The following MED12L variants were observed in gnomAD, a reference collection of about 807,000 sequenced individuals.
The protein encoded by MED12L is mediator complex subunit 12L.
A neutral mutation model predicts 281.3 loss-of-function variants in MED12L; 60 were observed. The ratio of observed to expected loss-of-function variants is 0.21; its 90% confidence interval spans 0.17 to 0.26. MED12L has a LOEUF of 0.26. Ranked by LOEUF, MED12L falls within the 10% of genes least tolerant of loss-of-function variation. MED12L has a pLI of 1.00. For missense variants in MED12L, 2,146 were observed against 2,680.9 expected (o/e 0.80, Z 4.41); for synonymous variants, 974 against 987.2 (o/e 0.99, Z 0.25).
At chr3:151,373,629 C>T (rs147799248) in intron 27 of MED12L, among the ~76,000 whole-genome samples, 44 of 152,002 alleles carry the variant, frequency 2.9e-4, no homozygotes, top group African/African-American at 9.9e-4. Flanking sequence ...AAGGAAGAGC[C>T]TGCCCTCCTC....
At chr3:151,276,622 G>T (rs778474330) in intron 16 of MED12L, among the ~76,000 whole-genome samples, 42 of 152,188 alleles carry the variant, frequency 2.8e-4, no homozygotes, top group Non-Finnish European at 4.9e-4. Context: ...AGAGCCTTAG[G>T]CTTAGGGAAG....
At chr3:151,325,602 A>G (rs910886341) in intron 16 of MED12L, among the ~76,000 whole-genome samples, 1 of 152,220 alleles carries the variant, frequency 6.6e-6, no homozygotes, top group African/African-American at 2.4e-5. Context: ...ATGCCTCTTC[A>G]CCACGTTCTT....
chr3:151,188,185 A>G (rs117883161), intron 12 of MED12L, 169 bp from the exon 13 acceptor site: 10,394 of 480,374 alleles, frequency 0.022, 396 homozygotes, highest in East Asian at 0.15. Flanking sequence ...ACTTGGATGG[A>G]GAAATTATAT....
chr3:151,314,098 A>G lies in MED12L; in HGVS notation c.2251-35961A>G, dbSNP rs930098916. 2.0e-5 allele frequency among the ~76,000 whole-genome samples: 3 copies of G among 152,238 alleles called. 1 individual carries two copies. The highest frequency in any genetic ancestry group is 4.1e-4 in the South Asian group (2 of 4,834). On this transcript the variant is annotated intron_variant, in intron 16 of 44. Coordinates refer to ENST00000687756, the MANE Select transcript of MED12L (RefSeq NM_001393769.1). Reference sequence around the variant, plus strand: ...TAAGGAGCTTTGCTCTTCTTTTAAAATGATGGAAATCATTAGAAATTACTG... The same window carrying G: ...TAAGGAGCTTTGCTCTTCTTTTAAAGTGATGGAAATCATTAGAAATTACTG...
chr3:151,130,972 G>T (rs1715305983), intron 5 of MED12L, among the ~76,000 whole-genome samples: 1 of 152,102 alleles, frequency 6.6e-6, no homozygotes, highest in South Asian at 2.1e-4. Flanking sequence ...ACACAAGGTG[G>T]TCAGTAATCT....
chr3:151,312,416 C>T (rs1271014719), intron 16 of MED12L, among the ~76,000 whole-genome samples: 2 of 152,306 alleles, frequency 1.3e-5, no homozygotes, highest in East Asian at 3.9e-4. Context: ...ACAGGGACTT[C>T]AGATCATTTT....
At chr3:151,255,272 G>T (rs1386085409) in intron 16 of MED12L, among the ~76,000 whole-genome samples, 1 of 152,146 alleles carries the variant, frequency 6.6e-6, no homozygotes, top group Non-Finnish European at 1.5e-5. Context: ...TAAAAATGCT[G>T]TTTTGGGATT....
intron 8 of MED12L, 99 bp from the exon 9 acceptor site, chr3:151,163,794 C>T (rs925805317): frequency 4.1e-6 from 5 of 1,222,036 alleles, no homozygotes; most frequent in African/African-American, 1.5e-5. Flanking sequence ...TAGTAGGAGA[C>T]AATAATACAG....
At chr3:151,219,366 C>T (rs1195896366) in intron 16 of MED12L, among the ~76,000 whole-genome samples, 1 of 152,182 alleles carries the variant, frequency 6.6e-6, no homozygotes, top group Non-Finnish European at 1.5e-5. Flanking sequence ...GTTCATTACT[C>T]ATCTGTGTAA....
chr3:151,325,122 A>G (rs542273372), intron 16 of MED12L, among the ~76,000 whole-genome samples: 2 of 152,332 alleles, frequency 1.3e-5, no homozygotes, highest in South Asian at 4.1e-4. Flanking sequence ...AATGGGATTA[A>G]TAAGATTGAA....
intron 2 of MED12L, among the ~76,000 whole-genome samples, chr3:151,088,451 G>T (rs1386982877): frequency 6.6e-6 from 1 of 152,170 alleles, no homozygotes; most frequent in Non-Finnish European, 1.5e-5. Flanking sequence ...AAAAATTATT[G>T]GGAGGAAATT....
chr3:151,408,274 G>C (rs1716559012), intron 39 of MED12L, among the ~76,000 whole-genome samples: 1 of 152,120 alleles, frequency 6.6e-6, no homozygotes, highest in African/African-American at 2.4e-5. Flanking sequence ...AAATATGATC[G>C]ATTCTTAATA....
chr3:151,161,354 C>T (rs564743107), intron 8 of MED12L, among the ~76,000 whole-genome samples: 5 of 152,170 alleles, frequency 3.3e-5, no homozygotes, highest in East Asian at 3.9e-4. Flanking sequence ...TGTGTGGATT[C>T]GAATCCTTCA....
intron 16 of MED12L, among the ~76,000 whole-genome samples, chr3:151,224,044 G>A (rs1729965871): frequency 6.6e-6 from 1 of 152,040 alleles, no homozygotes; most frequent in South Asian, 2.1e-4. Flanking sequence ...TATTAACACT[G>A]GTGACTGGTA....
intron 43 of MED12L, among the ~76,000 whole-genome samples, chr3:151,428,988 G>T (rs1211761848): frequency 6.6e-6 from 1 of 152,198 alleles, no homozygotes; most frequent in Non-Finnish European, 1.5e-5. Flanking sequence ...CTCTGAGGAG[G>T]AAATAGATGT....
Position 151,343,421 on chromosome 3 carries a change from G to T in MED12L, c.2251-6638G>T, listed in dbSNP as rs542856475. 3.3e-5 allele frequency among the ~76,000 whole-genome samples: 5 copies of T among 152,246 alleles called. No individual in the cohort carries two copies. In the East Asian group the frequency reaches 9.6e-4, roughly 29 times the overall value. ...TCTAAATTAACTTTATTTTTCCTCT[G>T]ATTTTTAACTCACAACCACATACCT... is the stretch of plus-strand genomic sequence containing the variant. On this transcript the variant is annotated intron_variant, in intron 16 of 44. Transcript: ENST00000687756.
Position 151,159,930 on chromosome 3 carries a change from C to G in MED12L, c.936C>G (p.Leu312=). ...TGCTGCTGAGCGATAGCCCCAACCT[C>G]CTTGCTGCCCACTCACCCCACATGA... ...LSLLLSDSPN[L]LAAHSPHMMI... Residue 312 remains leucine (L), a synonymous_variant, in exon 8 of 45, where the codon CTC becomes CTG. Coordinates refer to ENST00000687756, the MANE Select transcript of MED12L (RefSeq NM_001393769.1). 1 of 1,614,216 alleles carries G rather than the reference C, an allele frequency of 6.2e-7. No homozygotes were observed. Among genetic ancestry groups the G allele is most frequent in the Non-Finnish European group, 8.5e-7 (1 of 1,180,038 alleles).
chr3:151,422,492 G>A (rs1273765880), intron 43 of MED12L, among the ~76,000 whole-genome samples: 1 of 152,108 alleles, frequency 6.6e-6, no homozygotes, highest in Non-Finnish European at 1.5e-5. Flanking sequence ...CTCCACCTTC[G>A]CAGGCATTCT....
At chr3:151,362,249 T>C (rs1374147549) in intron 21 of MED12L, among the ~76,000 whole-genome samples, 1 of 152,048 alleles carries the variant, frequency 6.6e-6, no homozygotes, top group Non-Finnish European at 1.5e-5. Flanking sequence ...ATCCTTTTAA[T>C]ATACGAATGA....
Sources: allele counts gnomAD v4.1 joint callset (sites outside exome capture counted in the v4.1 genomes callset), GRCh38; gene constraint gnomAD v4.1.1; transcripts MANE v1.5; gene names NCBI Gene and HGNC (gene_info 2026-07-23, HGNC 2026-07-21).